Variants in ADGRB1 observed in about 807,000 individuals in gnomAD.
The protein encoded by ADGRB1 is adhesion G protein-coupled receptor B1, also known as brain-specific angiogenesis inhibitor 1.
ADGRB1 carries 36 observed loss-of-function variants against 175.7 expected under a neutral mutation model. That is an observed-to-expected ratio of 0.20 (90% CI 0.16 to 0.27). ADGRB1 has a LOEUF of 0.27. Ranked by LOEUF, ADGRB1 falls within the 10% of genes least tolerant of loss-of-function variation. ADGRB1 has a pLI of 1.00. For missense variants in ADGRB1, 1,731 were observed against 2,255.3 expected, an observed-to-expected ratio of 0.77 and a Z score of 4.71; for synonymous variants, 1,054 against 979.4, an observed-to-expected ratio of 1.08 and a Z score of -1.42.
chr8:142,476,135 AT>A (rs1311088692), intron 3 of ADGRB1, among the ~76,000 whole-genome samples: 1 of 152,226 alleles, frequency 6.6e-6, no homozygotes, highest in Non-Finnish European at 1.5e-5. Context: ...GACCCCATGC[AT>A]TTTTTAGCTG....
intron 1 of ADGRB1, among the ~76,000 whole-genome samples, chr8:142,456,029 G>A (rs76825812): frequency 9.3e-4 from 141 of 152,180 alleles, no homozygotes; most frequent in Non-Finnish European, 1.4e-3. Context: ...GTTCCAGCTC[G>A]GGGGTAATGG....
intron 2 of ADGRB1, among the ~76,000 whole-genome samples, chr8:142,465,300 G>A (rs902657135): frequency 2.0e-5 from 3 of 152,230 alleles, no homozygotes; most frequent in Non-Finnish European, 4.4e-5. Context: ...AGCATTGAAG[G>A]CCTAATTCCC....
At chr8:142,494,807 C>T (rs571968724) in intron 17 of ADGRB1, among the ~76,000 whole-genome samples, 16 of 152,048 alleles carry the variant, frequency 1.1e-4, no homozygotes, top group Admixed American at 5.2e-4. Flanking sequence ...CCCCCACACC[C>T]CTGCACCAGC....
At chr8:142,457,178 G>A (rs543485422) in intron 1 of ADGRB1, among the ~76,000 whole-genome samples, 11 of 152,296 alleles carry the variant, frequency 7.2e-5, no homozygotes, top group Admixed American at 6.5e-4. Flanking sequence ...GGACAGTTGG[G>A]TAAGATGAGG....
chr8:142,464,627 G>A lies in ADGRB1; in HGVS notation c.429G>A (p.Leu143=), dbSNP rs1840157117. 2 of 1,522,374 alleles carry A rather than the reference G, an allele frequency of 1.3e-6. No homozygotes were observed. Among genetic ancestry groups the A allele is most frequent in the African/African-American group, 1.4e-5 (1 of 71,090 alleles). 94.3% of individuals were successfully genotyped at this position (1,522,374 alleles called of 1,614,324 possible). The change falls in exon 2 of 31, where the codon CTG becomes CTA. Residue 143 remains leucine, a synonymous_variant. Transcript: ENST00000517894. ...LAFLQASKQF[L]QMRRQQPPQH... ...TCCTGCAGGCCAGCAAGCAGTTCCT[G>A]CAGATGCGGCGCCAGCAGCCGCCCC...
chr8:142,533,241 G>C (rs1202869613), intron 24 of ADGRB1, 54 bp from the exon 25 acceptor site: 2 of 1,447,278 alleles, frequency 1.4e-6, no homozygotes, highest in East Asian at 2.5e-5. Flanking sequence ...TTCAGGGCAG[G>C]GTGTCCCTGG....
At chr8:142,522,250 C>T (rs975788941) in intron 21 of ADGRB1, 135 bp downstream of exon 21, 17 of 1,229,782 alleles carry the variant, frequency 1.4e-5, no homozygotes, top group Non-Finnish European at 1.7e-5. Context: ...TGGGCTTCCC[C>T]CTCTGGGCCC....
chr8:142,479,295 G>A (rs573755090), intron 7 of ADGRB1, 28 bp from the exon 8 acceptor site: 22 of 1,467,112 alleles, frequency 1.5e-5, no homozygotes, highest in Middle Eastern at 3.6e-4. Context: ...CTTGTCGCCT[G>A]TGCCCTGTGT....
rs1042159070 is a variant in ADGRB1, at chr8:142,544,545, A to C, written c.*128A>C. The C allele has an allele frequency of 2.6e-6, 3 of 1,158,128 alleles. No homozygotes were observed. Among genetic ancestry groups the C allele is most frequent in the Non-Finnish European group, 3.4e-6 (3 of 882,806 alleles). The allele number at this position is 1,158,128 out of a possible 1,614,324, so 71.7% of individuals were successfully genotyped here. On this transcript the variant is annotated 3_prime_UTR_variant, in exon 31 of 31. Transcript: ENST00000517894. ...CCCGCACCCCGGCCTCAGGGCGCTCAGACGGCGGCCAGGCACAGGGCCCGC... is the reference window on the plus strand; with the variant it reads ...CCCGCACCCCGGCCTCAGGGCGCTCCGACGGCGGCCAGGCACAGGGCCCGC...
chr8:142,538,592 G>A (rs1289316848), intron 26 of ADGRB1, among the ~76,000 whole-genome samples: 1 of 152,314 alleles, frequency 6.6e-6, no homozygotes, highest in East Asian at 1.9e-4. Flanking sequence ...GGTTTTCAGT[G>A]AAGGGTGGGC....
Position 142,481,560 on chromosome 8 carries a change from A to C in ADGRB1, c.1979A>C (p.Glu660Ala), listed in dbSNP as rs2131826074. The change falls in exon 11 of 31, where the codon GAG becomes GCG. Residue 660 changes from glutamate to alanine, a missense_variant. Around this residue, in one of 8 missense-constraint regions of ADGRB1, gnomAD observed 388 missense variants for 630.9 expected, o/e 0.61. Transcript: ENST00000517894. ...AAGGCTCAGCGAGGGCTGCCTGGGG[A>C]GGGGGTCTCGGAGGTCATCCAGACA... ...LAKAQRGLPG[E>A]GVSEVIQTLV... is the part of the protein sequence containing the mutation. The C allele has an allele frequency of 6.3e-7, 1 of 1,596,694 alleles. No individual in the cohort carries two copies. Among genetic ancestry groups the C allele is most frequent in the East Asian group, 2.3e-5 (1 of 44,310 alleles).
rs1458775961 is a variant in ADGRB1 at position 142,544,239 on chromosome 8, C to A, written c.4577C>A (p.Pro1526His). 1 of 1,549,072 alleles carries A rather than the reference C, an allele frequency of 6.5e-7. No individual in the cohort carries two copies. Among genetic ancestry groups the A allele is most frequent in the Admixed American group, 2.0e-5 (1 of 50,970 alleles). The stretch of plus-strand genomic sequence containing the variant: ...CAGCAGCCGGAAAAGCAGCAGACGC[C>A]CAACAAGAGGCCCTGGGAGAGCCTC... ...PDSKPEKQQT[P>H]NKRPWESLRK... is the part of the protein sequence containing the mutation. The change falls in exon 31 of 31, where the codon CCC becomes CAC. Residue 1526 changes from proline to histidine, a missense_variant. This residue lies in a region of ADGRB1 where 394 missense variants were observed against 410.2 expected (regional missense o/e 0.96). Coordinates refer to ENST00000517894, the MANE Select transcript of ADGRB1 (RefSeq NM_001702.3).
At chr8:142,467,518 G>T (rs1840348917) in intron 2 of ADGRB1, among the ~76,000 whole-genome samples, 1 of 152,226 alleles carries the variant, frequency 6.6e-6, no homozygotes, top group Non-Finnish European at 1.5e-5. Flanking sequence ...AAGTGGGGCT[G>T]GGGGTTGCAG....
chr8:142,526,858 A>G (rs1380021261), intron 24 of ADGRB1, among the ~76,000 whole-genome samples: 1 of 152,166 alleles, frequency 6.6e-6, no homozygotes, highest in Non-Finnish European at 1.5e-5. Flanking sequence ...TGGGTCCCAT[A>G]AAGTCCTCAG....
intron 13 of ADGRB1, 91 bp from the exon 14 acceptor site, chr8:142,488,273 A>G: frequency 6.5e-7 from 1 of 1,530,122 alleles, no homozygotes; most frequent in Non-Finnish European, 8.9e-7. Flanking sequence ...CTGCACTGCC[A>G]GGCCTGCACC....
At chr8:142,485,647 C>T (rs1407362124) in intron 13 of ADGRB1, among the ~76,000 whole-genome samples, 1 of 152,228 alleles carries the variant, frequency 6.6e-6, no homozygotes, top group East Asian at 1.9e-4. Flanking sequence ...CACCCTGGGG[C>T]CTTGCCCAGT....
In ADGRB1 at chr8:142,512,548, G is replaced by A. The variant is rs148200932; in HGVS notation, c.2817+1475G>A. On this transcript the variant is annotated intron_variant, in intron 18 of 30. Coordinates refer to ENST00000517894, the MANE Select transcript of ADGRB1 (RefSeq NM_001702.3). ...CCCCATCTGCCCCTTCTCCCAGCCC[G>A]GTGTCAGGCCTGCAGCAGGTCAGTG... is the stretch of plus-strand genomic sequence containing the variant. Among the ~76,000 whole-genome samples the A allele has an allele frequency of 4.7e-3, 717 of 152,266 alleles. 3 individuals are homozygous for A. The highest frequency in any genetic ancestry group is 0.024 in the Middle Eastern group (7 of 294).
At chr8:142,461,147 C>G (rs985788216) in intron 1 of ADGRB1, among the ~76,000 whole-genome samples, 1 of 152,202 alleles carries the variant, frequency 6.6e-6, no homozygotes, top group Non-Finnish European at 1.5e-5. Context: ...TGGGGCCATG[C>G]TGGGCCGTGC....
Position 142,542,323 on chromosome 8 carries a change from C to G in ADGRB1, c.4089C>G (p.Pro1363=). The change falls in exon 28 of 31, where the codon CCC becomes CCG. Residue 1363 remains proline (P), a synonymous_variant. Transcript: ENST00000517894. The surrounding 1 kb of genome is among the most constrained non-coding windows in gnomAD (Gnocchi z 6.3). ...ATLRPKPKEE[P]KYSIHIDQMP... ...TGCGGCCCAAGCCCAAGGAGGAGCC[C>G]AAGTACAGCATCCACATTGACCAGA... The G allele has an allele frequency of 6.2e-7, 1 of 1,612,270 alleles. No homozygotes were observed. Among genetic ancestry groups the G allele is most frequent in the Non-Finnish European group, 8.5e-7 (1 of 1,179,586 alleles).
Sources: gnomAD v4.1 joint callset for allele counts (sites outside exome capture counted in the v4.1 genomes callset) on GRCh38, gnomAD v4.1.1 for gene constraint, gnomAD v4.1.1 regional missense constraint, Gnocchi (gnomAD v3.1) non-coding constraint, MANE v1.5 for transcripts, NCBI Gene and HGNC (gene_info 2026-07-23, HGNC 2026-07-21) for gene names.